The following SUCLG2 variants were observed in gnomAD, a reference collection of about 807,000 sequenced individuals.
SUCLG2 encodes succinate--CoA ligase [GDP-forming] subunit beta, mitochondrial.
In SUCLG2, 42 loss-of-function variants were observed where a neutral mutation model predicts 47.9. That is an observed-to-expected ratio of 0.88 (90% CI 0.69 to 1.14). The LOEUF (loss-of-function observed/expected upper bound fraction) is 1.14, where lower values mean the gene tolerates loss of function less well. Among genes scored for constraint, SUCLG2 ranks in the 50% most tolerant of loss-of-function variants. SUCLG2 has a pLI of 0.00. For synonymous variants in SUCLG2, 195 were observed against 197.3 expected (o/e 0.99, Z 0.10); for missense variants, 571 against 525.9 (o/e 1.09, Z -0.84).
chr3:67,515,126 T>C (rs1008254711), intron 6 of SUCLG2, among the ~76,000 whole-genome samples: 2 of 152,210 alleles, frequency 1.3e-5, no homozygotes, highest in Admixed American at 6.5e-5. Flanking sequence ...AATGAGGTAT[T>C]TTGAGAAAGA....
chr3:67,529,469 T>G (rs1262409393), intron 2 of SUCLG2, among the ~76,000 whole-genome samples: 1 of 152,172 alleles, frequency 6.6e-6, no homozygotes, highest in African/African-American at 2.4e-5. Flanking sequence ...CTCTTTTGAG[T>G]GTGTCAGAAG....
At chr3:67,505,369 G>A (rs1705607177) in intron 7 of SUCLG2, among the ~76,000 whole-genome samples, 1 of 152,176 alleles carries the variant, frequency 6.6e-6, no homozygotes, top group African/African-American at 2.4e-5. Context: ...ATAACTTTCT[G>A]TCATTAGCAA....
chr3:67,453,673 C>T (rs992629288), intron 9 of SUCLG2, among the ~76,000 whole-genome samples: 4 of 152,148 alleles, frequency 2.6e-5, no homozygotes, highest in Non-Finnish European at 5.9e-5. Flanking sequence ...GGCTACAAAT[C>T]AGGAAGTAAG....
intron 9 of SUCLG2, among the ~76,000 whole-genome samples, chr3:67,415,145 C>T (rs1256393204): frequency 6.6e-6 from 1 of 152,154 alleles, no homozygotes; most frequent in Non-Finnish European, 1.5e-5. Flanking sequence ...CGTGAGCCAC[C>T]ATGCTTGGCC....
intron 9 of SUCLG2, among the ~76,000 whole-genome samples, chr3:67,476,075 A>C (rs539959652): frequency 5.9e-5 from 9 of 151,830 alleles, no homozygotes; most frequent in Non-Finnish European, 1.2e-4. Context: ...ATGTGTAACT[A>C]ATTTATAAAC....
At chr3:67,527,243 G>A (rs543515792) in intron 4 of SUCLG2, among the ~76,000 whole-genome samples, 9 of 152,340 alleles carry the variant, frequency 5.9e-5, no homozygotes, top group African/African-American at 1.9e-4. Flanking sequence ...GATCTGTGAC[G>A]CTATGTCAAC....
chr3:67,546,591 C>T (rs569396435), intron 2 of SUCLG2, among the ~76,000 whole-genome samples: 10 of 152,234 alleles, frequency 6.6e-5, no homozygotes, highest in Admixed American at 6.5e-4. Context: ...AAAAATTAGC[C>T]GGGCGTGGTA....
chr3:67,604,296 T>C (rs1439002574), intron 2 of SUCLG2, among the ~76,000 whole-genome samples: 2 of 152,240 alleles, frequency 1.3e-5, no homozygotes, highest in African/African-American at 4.8e-5. Flanking sequence ...AGTTTCTATA[T>C]ATTGCACCTT....
chr3:67,462,108 C>T (rs1186601416), intron 9 of SUCLG2, among the ~76,000 whole-genome samples: 1 of 152,038 alleles, frequency 6.6e-6, no homozygotes, highest in African/African-American at 2.4e-5. Flanking sequence ...CCTGTTACAG[C>T]CTTTTGTTAT....
intron 10 of SUCLG2, among the ~76,000 whole-genome samples, chr3:67,394,041 CA>C (rs1702462915): frequency 6.6e-6 from 1 of 152,030 alleles, no homozygotes; most frequent in African/African-American, 2.4e-5. Flanking sequence ...TCATCAAAGA[CA>C]AAAAGTAGAT....
chr3:67,497,199 T>TTTTCTATTGTATTGAACA (rs1238574298), intron 8 of SUCLG2, among the ~76,000 whole-genome samples: 1 of 152,196 alleles, frequency 6.6e-6, no homozygotes, highest in African/African-American at 2.4e-5. Flanking sequence ...TTGGATGTCA[T>TTTTCTATTGTATTGAACA]TTTCTATTGT....
chr3:67,388,161 T>C (rs538827837), intron 10 of SUCLG2, among the ~76,000 whole-genome samples: 13 of 152,344 alleles, frequency 8.5e-5, no homozygotes, highest in African/African-American at 3.1e-4. Context: ...GAATTGAATG[T>C]GATAGCTCAG....
At chr3:67,528,105 G>C in intron 4 of SUCLG2, 27 bp downstream of exon 4, 6 of 1,594,926 alleles carry the variant, frequency 3.8e-6, no homozygotes, top group Non-Finnish European at 5.2e-6. Context: ...CACATATATA[G>C]AAAATGACCC....
intron 1 of SUCLG2, among the ~76,000 whole-genome samples, chr3:67,647,541 A>T (rs1405214210): frequency 2.0e-5 from 3 of 152,250 alleles, no homozygotes; most frequent in African/African-American, 7.2e-5. Flanking sequence ...AGTGAAAGTC[A>T]TGTCCAGTTG....
At chr3:67,524,981 A>G (rs541995643) in intron 4 of SUCLG2, among the ~76,000 whole-genome samples, 1 of 152,340 alleles carries the variant, frequency 6.6e-6, no homozygotes, top group African/African-American at 2.4e-5. Context: ...AATCAACACC[A>G]ATTAACAATG....
chr3:67,642,499 A>G (rs1701118543), intron 1 of SUCLG2, among the ~76,000 whole-genome samples: 1 of 152,136 alleles, frequency 6.6e-6, no homozygotes, highest in Non-Finnish European at 1.5e-5. Flanking sequence ...AGTCCCAGCT[A>G]ATCTGGAGGC....
At chr3:67,479,741 C>T (rs909273842) in intron 9 of SUCLG2, among the ~76,000 whole-genome samples, 6 of 152,292 alleles carry the variant, frequency 3.9e-5, no homozygotes, top group African/African-American at 9.6e-5. Context: ...AGATCTACCT[C>T]GATGACTGAG....
intron 2 of SUCLG2, among the ~76,000 whole-genome samples, chr3:67,554,064 G>GC (rs1707093105): frequency 6.6e-6 from 1 of 152,174 alleles, no homozygotes; most frequent in Non-Finnish European, 1.5e-5. Context: ...ACTCTAAGGA[G>GC]CTGGGGTAGC....
At chr3:67,436,996 G>A (rs980899921) in intron 9 of SUCLG2, among the ~76,000 whole-genome samples, 1 of 151,752 alleles carries the variant, frequency 6.6e-6, no homozygotes, top group Non-Finnish European at 1.5e-5. Flanking sequence ...ATCAAGATAG[G>A]AAATAGAAAA....
Sources: allele counts gnomAD v4.1 joint callset (sites outside exome capture counted in the v4.1 genomes callset), GRCh38; gene constraint gnomAD v4.1.1; transcripts MANE v1.5; gene names NCBI Gene and HGNC (gene_info 2026-07-23, HGNC 2026-07-21).